MTMR7: variants seen among roughly 807,000 people sequenced by gnomAD.
MTMR7 encodes the protein myotubularin related protein 7.
MTMR7 carries 76 observed loss-of-function variants against 81.2 expected under a neutral mutation model. The observed-to-expected ratio is 0.94, with a 90% CI of 0.78 to 1.13. The LOEUF (loss-of-function observed/expected upper bound fraction) is 1.13, where lower values mean the gene tolerates loss of function less well. Ranked by LOEUF, MTMR7 falls within the 50% of genes most tolerant of loss-of-function variation. The pLI, the probability that MTMR7 is intolerant of heterozygous loss-of-function variation, is 0.00. For missense variants in MTMR7, 1,044 were observed against 820.0 expected (o/e 1.27, Z -3.34); for synonymous variants, 372 against 289.8 (o/e 1.28, Z -2.88).
intron 9 of MTMR7, among the ~76,000 whole-genome samples, chr8:17,310,427 C>T (rs1259738084): frequency 3.9e-5 from 6 of 152,118 alleles, no homozygotes; most frequent in African/African-American, 1.2e-4. Flanking sequence ...CTTGACAACT[C>T]GAGACATTTT....
Position 17,361,165 on chromosome 8 carries a change from G to A in MTMR7, c.420C>T (p.Gly140=). Reference sequence around the variant, plus strand: ...TGAGCTGCCAGTAATGATTAGGGAGGCCCATCCGCGTGTATTCTTCACTAA... The same window carrying A: ...TGAGCTGCCAGTAATGATTAGGGAGACCCATCCGCGTGTATTCTTCACTAA... The part of the protein sequence containing the change: ...IDLSEEYTRM[G]LPNHYWQLSD... Residue 140 remains glycine (G), a synonymous_variant, in exon 4 of 14, where the codon GGC becomes GGT. Transcript: ENST00000180173. 1 of 1,614,148 alleles carries A rather than the reference G, an allele frequency of 6.2e-7. No homozygotes were observed. The highest frequency in any genetic ancestry group is 8.5e-7 in the Non-Finnish European group (1 of 1,180,022).
At chr8:17,338,512 A>C (rs1488963572) in intron 6 of MTMR7, among the ~76,000 whole-genome samples, 1 of 152,184 alleles carries the variant, frequency 6.6e-6, no homozygotes, top group African/African-American at 2.4e-5. Context: ...CAGTATATCT[A>C]AGCAGCTAAT....
At chr8:17,313,430 A>T (rs1198335433) in intron 7 of MTMR7, 29 bp from the exon 8 acceptor site, 2 of 1,406,466 alleles carry the variant, frequency 1.4e-6, no homozygotes, top group Non-Finnish European at 2.0e-6. Context: ...TATAAAAGCA[A>T]AATTAAGGTA....
chr8:17,368,089 G>A (rs1430819844), intron 3 of MTMR7, among the ~76,000 whole-genome samples: 1 of 152,014 alleles, frequency 6.6e-6, no homozygotes, highest in Admixed American at 6.5e-5. Context: ...ATGGGGGTGT[G>A]GGGTTGGGGG....
intron 7 of MTMR7, among the ~76,000 whole-genome samples, chr8:17,317,638 G>A (rs1818158471): frequency 6.6e-6 from 1 of 152,158 alleles, no homozygotes; most frequent in Non-Finnish European, 1.5e-5. Flanking sequence ...CAGTGCAGGG[G>A]AGGAAGGAGG....
chr8:17,300,120 T>C lies in MTMR7; in HGVS notation c.1725A>G (p.Ile575Met). The stretch of plus-strand genomic sequence containing the variant: ...CACTGTAATCCTGGGGAGTGTTGGC[T>C]ATGCTGTTGTCTGAGGTAGAAAACC... Reference protein sequence around the residue: ...HSGFSTSDNSIANTPQDYSGN... With the variant: ...HSGFSTSDNSMANTPQDYSGN... The change falls in exon 14 of 14, where the codon ATA (isoleucine) becomes ATG (methionine). Residue 575 changes from isoleucine (I) to methionine (M), a missense_variant. Transcript: ENST00000180173. The C allele has an allele frequency of 6.2e-7, 1 of 1,614,164 alleles. No individual in the cohort carries two copies. Among genetic ancestry groups the C allele is most frequent in the African/African-American group, 1.3e-5 (1 of 75,042 alleles).
rs1816975147 is a variant in MTMR7, at chr8:17,299,721, CT to C, written c.*140del. The C allele has an allele frequency of 8.2e-7, 1 of 1,214,302 alleles. No individual in the cohort carries two copies. Among genetic ancestry groups the C allele is most frequent in the Non-Finnish European group, 1.1e-6 (1 of 875,838 alleles). The allele number at this position is 1,214,302 out of a possible 1,614,324, so 75.2% of individuals were successfully genotyped here. A position where few individuals can be genotyped will look rare whatever the true frequency, so the allele number is the denominator to read the frequency against. On this transcript the variant is annotated 3_prime_UTR_variant, in exon 14 of 14. Transcript: ENST00000180173. ...TATCTAAGAAATCAAGAACTGGGCA[CT>C]TTTTTCCCTTTTCATAGCTGCATTA...
At position 17,373,213 on chromosome 8, in the gene MTMR7, C is replaced by T; in HGVS notation, c.52G>A (p.Val18Met). 6.2e-7 allele frequency: 1 copy of T among 1,613,628 alleles called. No homozygotes were observed. The highest frequency in any genetic ancestry group is 2.2e-5 in the East Asian group (1 of 44,878). ...KVENVRLVDR[V>M]SPKKAALGTL... ...CCTAGAGCTGCTTTTTTAGGAGACA[C>T]TCGATCTACCAAGCGGACATTTTCA... The change falls in exon 2 of 14, where the codon GTG becomes ATG. Residue 18 changes from valine to methionine, a missense_variant. Physicochemically the swap from Val to Met is conservative, Grantham distance 21. Coordinates refer to ENST00000180173, the MANE Select transcript of MTMR7 (RefSeq NM_004686.5).
Position 17,379,441 on chromosome 8 carries a change from C to T in MTMR7, c.25-6201G>A, listed in dbSNP as rs539976602. Among the ~76,000 whole-genome samples, 6 of 152,258 alleles carry T rather than the reference C, an allele frequency of 3.9e-5. No homozygotes were observed. The South Asian group carries it at 8.3e-4, about 21-fold the overall frequency. On this transcript the variant is annotated intron_variant, in intron 1 of 13. Transcript: ENST00000180173. ...AAAGATGCCTGTTAGTGCTACCAAC[C>T]GGGGCATCTGCACTTGTGATACACA... is the stretch of plus-strand genomic sequence containing the variant.
intron 8 of MTMR7, 44 bp from the exon 9 acceptor site, chr8:17,311,680 A>T: frequency 6.2e-7 from 1 of 1,612,736 alleles, no homozygotes; most frequent in Non-Finnish European, 8.5e-7. Context: ...GAATGGCTGT[A>T]AAAAGGCAGA....
At chr8:17,332,876 C>T (rs141239868) in intron 6 of MTMR7, among the ~76,000 whole-genome samples, 29 of 152,164 alleles carry the variant, frequency 1.9e-4, no homozygotes, top group African/African-American at 4.6e-4. Flanking sequence ...GTATAGAAAA[C>T]GGTACCAATT....
intron 4 of MTMR7, among the ~76,000 whole-genome samples, chr8:17,357,891 T>A (rs1184224315): frequency 6.7e-6 from 1 of 150,212 alleles, no homozygotes; most frequent in Non-Finnish European, 1.5e-5. Flanking sequence ...CCATAAGAAA[T>A]AAATAACTTT....
At chr8:17,391,730 G>A (rs1215846731) in intron 1 of MTMR7, among the ~76,000 whole-genome samples, 2 of 152,140 alleles carry the variant, frequency 1.3e-5, no homozygotes, top group Non-Finnish European at 2.9e-5. Flanking sequence ...TACTTTCACA[G>A]CTTGGCAATA....
chr8:17,322,472 G>C (rs930526706), intron 7 of MTMR7, among the ~76,000 whole-genome samples: 1 of 152,154 alleles, frequency 6.6e-6, no homozygotes, highest in Admixed American at 6.6e-5. Flanking sequence ...GGTTTAACAC[G>C]TGGTAAGGAA....
chr8:17,392,035 CCTCT>C (rs966469161), intron 1 of MTMR7, among the ~76,000 whole-genome samples: 26 of 152,070 alleles, frequency 1.7e-4, no homozygotes, highest in Non-Finnish European at 1.5e-5. Context: ...TCTTGGACTC[CCTCT>C]GAGTGCAGTA....
In MTMR7 at chr8:17,323,671, C is replaced by T. The variant is rs528489116; in HGVS notation, c.865+7479G>A. The stretch of plus-strand genomic sequence containing the variant: ...AGGGGTGGGGGGTCATTCCACACAC[C>T]TCATGCCAGCTGAGAAAGCTTCCAG... On this transcript the variant is annotated intron_variant, in intron 7 of 13. Coordinates refer to ENST00000180173, the MANE Select transcript of MTMR7 (RefSeq NM_004686.5). Among the ~76,000 whole-genome samples, 7 of 152,184 alleles carry T rather than the reference C, an allele frequency of 4.6e-5. 1 individual carries two copies. The highest frequency in any genetic ancestry group is 1.2e-4 in the African/African-American group (5 of 41,524).
intron 3 of MTMR7, among the ~76,000 whole-genome samples, chr8:17,370,716 G>A (rs1468709250): frequency 6.6e-6 from 1 of 151,810 alleles, no homozygotes; most frequent in Non-Finnish European, 1.5e-5. Context: ...CCCATTCAAG[G>A]TGGCTCGATT....
chr8:17,326,380 T>C (rs1473745293), intron 7 of MTMR7: 7 of 152,280 alleles, frequency 4.6e-5, no homozygotes, highest in African/African-American at 9.6e-5. Flanking sequence ...GTCCAATACA[T>C]AGTAAGCCTT....
chr8:17,345,674 C>G lies in MTMR7; in HGVS notation c.597+3279G>C, dbSNP rs2239884. Among the ~76,000 whole-genome samples, 3,969 of 152,286 alleles carry G rather than the reference C, an allele frequency of 0.026. 454 individuals carry two copies. The East Asian group carries it at 0.32, about 12-fold the overall frequency. ...AAATTACTTTTGCACCAACCTAACA[C>G]TACATGTGGTAACAGCTGATACAAA... On this transcript the variant is annotated intron_variant, in intron 5 of 13. Transcript: ENST00000180173.
Sources: allele counts gnomAD v4.1 joint callset (sites outside exome capture counted in the v4.1 genomes callset), GRCh38; gene constraint gnomAD v4.1.1; transcripts MANE v1.5; gene names NCBI Gene and HGNC (gene_info 2026-07-23, HGNC 2026-07-21).